The following RPL18A variants were observed in gnomAD, a reference collection of about 807,000 sequenced individuals.
RPL18A encodes large ribosomal subunit protein eL20.
For missense variants in RPL18A, 163 were observed against 254.1 expected, an observed-to-expected ratio of 0.64 and a Z score of 2.44; for synonymous variants, 122 against 96.9, an observed-to-expected ratio of 1.26 and a Z score of -1.52.
rs377418749 is a variant in RPL18A, at chr19:17,863,158, C to T, written c.439-13C>T. ...GGCTTCCAACCCCCTCAACATGCCT[C>T]CCTTCCTCACAGGACTCCAAGATCA... On this transcript the variant is annotated splice_polypyrimidine_tract_variant and intron_variant, in intron 4 of 4. Coordinates refer to ENST00000222247, the MANE Select transcript of RPL18A (RefSeq NM_000980.4). 12 of 1,610,256 alleles carry T rather than the reference C, an allele frequency of 7.5e-6. No individual in the cohort carries two copies. Among genetic ancestry groups the T allele is most frequent in the Non-Finnish European group, 1.0e-5 (12 of 1,176,950 alleles).
chr19:17,861,628 C>T, intron 2 of RPL18A, 156 bp downstream of exon 2: 1 of 649,424 alleles, frequency 1.5e-6, no homozygotes, highest in Non-Finnish European at 2.6e-6. Context: ...TGTGTTTCTG[C>T]CTGGGTCACG....
chr19:17,861,265 C>T, intron 1 of RPL18A, 28 bp from the exon 2 acceptor site: 5 of 1,609,826 alleles, frequency 3.1e-6, no homozygotes, highest in Non-Finnish European at 3.4e-6. Flanking sequence ...TGGGTGCTGG[C>T]CTTACCCTCA....
rs1156557523 is a variant in RPL18A at position 17,861,489 on chromosome 19, G to C, written c.198+17G>C. On this transcript the variant is annotated intron_variant, in intron 2 of 4. Coordinates refer to ENST00000222247, the MANE Select transcript of RPL18A (RefSeq NM_000980.4). ...TGTGGGCAGGTATGGAGAGGCCGGG[G>C]CTACGTGGGGTCTGGAGTGGATTTG... The C allele has an allele frequency of 6.4e-7, 1 of 1,560,696 alleles. No homozygotes were observed. The highest frequency in any genetic ancestry group is 1.8e-5 in the Admixed American group (1 of 54,652).
chr19:17,861,778 A>G (rs140954344), intron 2 of RPL18A: 145 of 539,416 alleles, frequency 2.7e-4, no homozygotes, highest in African/African-American at 4.2e-4. Flanking sequence ...GGTGATGGCT[A>G]TCTGGTCAGT....
In RPL18A at chr19:17,862,770, C is replaced by T. The variant is rs750258223; in HGVS notation, c.329-148C>T. ...CCAGGCCTTGGGCTATCTCGCTTCC[C>T]CACCACCACCTTCCCGTGAGCCCCG... On this transcript the variant is annotated intron_variant, in intron 3 of 4. Transcript: ENST00000222247. 3.9e-6 allele frequency: 3 copies of T among 760,732 alleles called. No individual in the cohort carries two copies. In the African/African-American group the frequency reaches 5.1e-5, roughly 13 times the overall value. 47.1% of individuals were successfully genotyped at this position (760,732 alleles called of 1,614,324 possible).
chr19:17,862,648 C>T (rs1484245752), intron 3 of RPL18A: 6 of 739,500 alleles, frequency 8.1e-6, no homozygotes, highest in Non-Finnish European at 1.5e-5. Flanking sequence ...GAGGTGCAAA[C>T]AGCAAGCGGA....
chr19:17,860,540 C>A (rs554056005), intron 1 of RPL18A, among the ~76,000 whole-genome samples: 1 of 152,280 alleles, frequency 6.6e-6, no homozygotes, highest in African/African-American at 2.4e-5. Flanking sequence ...AGGGGCGGGC[C>A]CCATTGTTCC....
Position 17,861,347 on chromosome 19 carries a change from C to A in RPL18A, c.73C>A (p.Pro25Thr). The stretch of plus-strand genomic sequence containing the variant: ...CCTGCCCACCCCCAAATGCCACACG[C>A]CGCCCCTCTACCGCATGCGAATCTT... ...RCLPTPKCHTPPLYRMRIFAP... is the reference protein window; with the variant it reads ...RCLPTPKCHTTPLYRMRIFAP... The change falls in exon 2 of 5, where the codon CCG becomes ACG. Residue 25 changes from proline (P) to threonine (T), a missense_variant. Pro to Thr is a conservative substitution (Grantham distance 38). Transcript: ENST00000222247. 6.2e-7 allele frequency: 1 copy of A among 1,613,446 alleles called. No homozygotes were observed. The highest frequency in any genetic ancestry group is 8.5e-7 in the Non-Finnish European group (1 of 1,179,600).
Position 17,860,202 on chromosome 19 carries a change from T to G in RPL18A, c.18+228T>G, listed in dbSNP as rs1012114137. ...TCAGGGATCGCGGGGGCCCAAGGACTCCGGGTCTTCTTCCCGGGGGAAGGA... is the reference window on the plus strand; with the variant it reads ...TCAGGGATCGCGGGGGCCCAAGGACGCCGGGTCTTCTTCCCGGGGGAAGGA... On this transcript the variant is annotated intron_variant, in intron 1 of 4. Coordinates refer to ENST00000222247, the MANE Select transcript of RPL18A (RefSeq NM_000980.4). 1.2e-5 allele frequency: 6 copies of G among 507,908 alleles called. No individual in the cohort carries two copies. In the African/African-American group the frequency reaches 1.2e-4, roughly 10 times the overall value. The allele number at this position is 507,908 out of a possible 1,614,324, so 31.5% of individuals were successfully genotyped here.
intron 1 of RPL18A, 136 bp from the exon 2 acceptor site, chr19:17,861,157 T>A: frequency 2.9e-6 from 2 of 692,886 alleles, no homozygotes; most frequent in Admixed American, 2.5e-5. Context: ...TCACCAAGAA[T>A]CCACATGGAG....
intron 4 of RPL18A, 51 bp downstream of exon 4, chr19:17,863,078 GA>G: frequency 6.4e-7 from 1 of 1,558,696 alleles, no homozygotes; most frequent in Non-Finnish European, 8.8e-7. Flanking sequence ...TCTGACGCAG[GA>G]GCCCAGTGGG....
chr19:17,862,022 G>A (rs182503075), intron 2 of RPL18A, 72 bp from the exon 3 acceptor site: 2 of 1,553,342 alleles, frequency 1.3e-6, no homozygotes, highest in East Asian at 2.3e-5. Context: ...AGAGGCAGAG[G>A]GTTCAGTGAG....
At chr19:17,860,279 A>G (rs1295134601) in intron 1 of RPL18A, 1 of 430,128 alleles carries the variant, frequency 2.3e-6, no homozygotes, top group African/African-American at 2.1e-5. Context: ...CGAGCCGCCA[A>G]GTTTCTGTTT....
Position 17,863,015 on chromosome 19 carries a change from C to T in RPL18A, c.426C>T (p.Val142=). The T allele has an allele frequency of 6.2e-7, 1 of 1,611,434 alleles. No homozygotes were observed. The highest frequency in any genetic ancestry group is 2.2e-5 in the East Asian group (1 of 44,856). The change falls in exon 4 of 5, where the codon GTC becomes GTT. Residue 142 remains valine (V), a synonymous_variant. Coordinates refer to ENST00000222247, the MANE Select transcript of RPL18A (RefSeq NM_000980.4). The part of the protein sequence containing the change: ...IAASKCRRPA[V]KQFHDSKIKF... ...CCAGCAAGTGCCGCCGGCCGGCTGTCAAGCAGTTCCACGTGAGTGCCCTGG... is the reference window on the plus strand; with the variant it reads ...CCAGCAAGTGCCGCCGGCCGGCTGTTAAGCAGTTCCACGTGAGTGCCCTGG...
chr19:17,860,532 G>A (rs1045788581), intron 1 of RPL18A, among the ~76,000 whole-genome samples: 5 of 152,204 alleles, frequency 3.3e-5, no homozygotes, highest in Non-Finnish European at 7.3e-5. Flanking sequence ...GCTGTCAAAG[G>A]GGCGGGCCCC....
chr19:17,861,929 G>A, intron 2 of RPL18A, 165 bp from the exon 3 acceptor site: 1 of 753,266 alleles, frequency 1.3e-6, no homozygotes, highest in East Asian at 2.8e-5. Flanking sequence ...CGCTCCCTGA[G>A]GATGCCTGAA....
At position 17,863,173 on chromosome 19, in the gene RPL18A, C is replaced by A. The variant is rs199721500; in HGVS notation, c.441C>A (p.Asp147Glu). The A allele has an allele frequency of 1.2e-6, 2 of 1,612,820 alleles. No individual in the cohort carries two copies. Residue 147 changes from aspartate (D) to glutamate (E), a missense_variant and splice_region_variant, in exon 5 of 5, where the codon GAC becomes GAA. By Grantham distance (45) the Asp-to-Glu change is conservative. Coordinates refer to ENST00000222247, the MANE Select transcript of RPL18A (RefSeq NM_000980.4). ...CRRPAVKQFH[D>E]SKIKFPLPHR... is the part of the protein sequence containing the mutation. ...CAACATGCCTCCCTTCCTCACAGGA[C>A]TCCAAGATCAAGTTCCCGCTGCCCC...
rs776343813 is a variant in RPL18A, at chr19:17,862,240, G to A, written c.328+17G>A. On this transcript the variant is annotated intron_variant, in intron 3 of 4. Transcript: ENST00000222247. ...CCCAGTGCTGTAAGCTGCCTGTCCCGCCTCCAGCTTTTTAGACCCTCCTTG... is the reference window on the plus strand; with the variant it reads ...CCCAGTGCTGTAAGCTGCCTGTCCCACCTCCAGCTTTTTAGACCCTCCTTG... The A allele has an allele frequency of 2.0e-5, 32 of 1,611,642 alleles. No homozygotes were observed. Among genetic ancestry groups the A allele is most frequent in the East Asian group, 6.7e-5 (3 of 44,888 alleles).
At chr19:17,860,146 G>A (rs2094274499) in intron 1 of RPL18A, 172 bp downstream of exon 1, 2 of 581,422 alleles carry the variant, frequency 3.4e-6, no homozygotes, top group Non-Finnish European at 5.7e-6. Flanking sequence ...TGGGAGCCGC[G>A]TGGAGAGAGC....
Sources: allele counts gnomAD v4.1 joint callset (sites outside exome capture counted in the v4.1 genomes callset), GRCh38; gene constraint gnomAD v4.1.1; transcripts MANE v1.5; gene names NCBI Gene and HGNC (gene_info 2026-07-23, HGNC 2026-07-21).